ARFRP1: variants seen among roughly 807,000 people sequenced by gnomAD.
ARFRP1 encodes ARF related protein 1, also known as ADP-ribosylation factor-related protein 1.
Under a neutral mutation model 30.3 loss-of-function variants are expected in ARFRP1, and 19 were observed. The ratio of observed to expected loss-of-function variants is 0.63; its 90% CI spans 0.44 to 0.92. The LOEUF is 0.92. ARFRP1 is among the 40% of genes least tolerant of loss of function. The pLI is 0.00. For missense variants in ARFRP1, 245 were observed against 267.5 expected (o/e 0.92, Z 0.59); for synonymous variants, 133 against 114.2 (o/e 1.16, Z -1.05).
At chr20:63,703,121 C>G (rs893748716) in intron 4 of ARFRP1, 3 of 152,316 alleles carry the variant, frequency 2.0e-5, no homozygotes, top group African/African-American at 7.2e-5. Flanking sequence ...CACTTTGCCT[C>G]CAGGCTGTGC....
In ARFRP1 at chr20:63,706,447, G is replaced by A. The variant is rs749662460; in HGVS notation, c.182-8C>T. 5.6e-6 allele frequency: 9 copies of A among 1,612,904 alleles called. No homozygotes were observed. Among genetic ancestry groups the A allele is most frequent in the South Asian group, 2.2e-5 (2 of 91,064 alleles). ...CCACATCCACAGTGCCGACTGGGGAGAGGAGGAAACAGGCAAGGCTCATGA... is the reference window on the plus strand; with the variant it reads ...CCACATCCACAGTGCCGACTGGGGAAAGGAGGAAACAGGCAAGGCTCATGA... On this transcript the variant is annotated splice_polypyrimidine_tract_variant and splice_region_variant and intron_variant, in intron 3 of 7. Coordinates refer to ENST00000622789, the MANE Select transcript of ARFRP1 (RefSeq NM_001267547.3).
chr20:63,707,177 C>T, intron 1 of ARFRP1, 80 bp from the exon 2 acceptor site: 1 of 1,261,182 alleles, frequency 7.9e-7, no homozygotes, highest in South Asian at 1.3e-5. Context: ...GTCAGTGGCG[C>T]CCCACGTCCA....
chr20:63,701,998 G>GGGCCCCCCCC, intron 5 of ARFRP1, 98 bp from the exon 6 acceptor site: 2 of 583,908 alleles, frequency 3.4e-6, no homozygotes, highest in Non-Finnish European at 5.1e-6. Flanking sequence ...CACTCCCTCT[G>GGGCCCCCCCC]CCCCCCCCCC....
At chr20:63,705,537 CA>C in intron 4 of ARFRP1, 1 of 455,438 alleles carries the variant, frequency 2.2e-6, no homozygotes. Context: ...CAGAAATGCC[CA>C]AAACCTGTGT....
intron 2 of ARFRP1, 91 bp downstream of exon 2, chr20:63,706,908 T>C (rs2091501563): frequency 6.7e-7 from 1 of 1,496,964 alleles, no homozygotes; most frequent in South Asian, 1.1e-5. Context: ...TTGGCTTCCG[T>C]CTGGGTAGTG....
At position 63,700,223 on chromosome 20, in the gene ARFRP1, C is replaced by T; in HGVS notation, c.*220G>A. On this transcript the variant is annotated 3_prime_UTR_variant, in exon 8 of 8. Coordinates refer to ENST00000622789, the MANE Select transcript of ARFRP1 (RefSeq NM_001267547.3). Reference sequence around the variant, plus strand: ...GCGCCCTGTGGAAAGGCTGCCGCTGCAGGGCCTGGGCCAGCCGGGCTGCCA... The same window carrying T: ...GCGCCCTGTGGAAAGGCTGCCGCTGTAGGGCCTGGGCCAGCCGGGCTGCCA... 1 of 645,082 alleles carries T rather than the reference C, an allele frequency of 1.6e-6. No homozygotes were observed. The highest frequency in any genetic ancestry group is 2.6e-6 in the Non-Finnish European group (1 of 386,434). 40.0% of individuals were successfully genotyped at this position (645,082 alleles called of 1,614,324 possible). A position where few individuals can be genotyped will look rare whatever the true frequency, so the allele number is the denominator to read the frequency against.
chr20:63,706,910 T>G (rs1432011119), intron 2 of ARFRP1, 89 bp downstream of exon 2: 10 of 1,503,150 alleles, frequency 6.7e-6, no homozygotes, highest in Non-Finnish European at 9.2e-6. Context: ...GGCTTCCGTC[T>G]GGGTAGTGAA....
At position 63,700,423 on chromosome 20, in the gene ARFRP1, C is replaced by T; in HGVS notation, c.*20G>A. 9 of 1,605,600 alleles carry T rather than the reference C, an allele frequency of 5.6e-6. No individual in the cohort carries two copies. Among genetic ancestry groups the T allele is most frequent in the East Asian group, 4.5e-5 (2 of 44,870 alleles). On this transcript the variant is annotated 3_prime_UTR_variant, in exon 8 of 8. Coordinates refer to ENST00000622789, the MANE Select transcript of ARFRP1 (RefSeq NM_001267547.3). ...TCCAGCACCAGGGGACCAGCCGTCC[C>T]GACGGCAGCGCGGCTGCGCCTACGT...
At chr20:63,705,441 G>C (rs1042973350) in intron 4 of ARFRP1, 55 of 365,396 alleles carry the variant, frequency 1.5e-4, no homozygotes, top group South Asian at 8.4e-4. Context: ...GCCCTGCTCA[G>C]TGCTGGACTC....
rs573137612 is a variant in ARFRP1, at chr20:63,701,451, A to T, written c.417+379T>A. The stretch of plus-strand genomic sequence containing the variant: ...AGATGCCACCTCCAAGGGTAGCAGG[A>T]ACAGGTAAGGGTCAGAGCTGACTCC... On this transcript the variant is annotated intron_variant, in intron 6 of 7. Transcript: ENST00000622789. The T allele has an allele frequency of 1.4e-5, 7 of 492,448 alleles. No individual in the cohort carries two copies. In the East Asian group the frequency reaches 3.6e-4, roughly 25 times the overall value. The allele number at this position is 492,448 out of a possible 1,614,324, so 30.5% of individuals were successfully genotyped here.
chr20:63,701,367 CG>C, intron 6 of ARFRP1: 2 of 538,312 alleles, frequency 3.7e-6, no homozygotes, highest in South Asian at 1.4e-5. Context: ...CCAGTGCTCC[CG>C]GGGGCAGTGG....
At chr20:63,702,323 C>A in intron 4 of ARFRP1, 106 bp from the exon 5 acceptor site, 2 of 1,105,362 alleles carry the variant, frequency 1.8e-6, no homozygotes, top group South Asian at 1.4e-5. Context: ...GAGGAAGGGG[C>A]AAGAGGGCAG....
At chr20:63,706,909 C>A in intron 2 of ARFRP1, 90 bp downstream of exon 2, 1 of 1,501,134 alleles carries the variant, frequency 6.7e-7, no homozygotes, top group South Asian at 1.1e-5. Context: ...TGGCTTCCGT[C>A]TGGGTAGTGA....
chr20:63,707,332 T>C (rs1243944298), intron 1 of ARFRP1: 12 of 495,464 alleles, frequency 2.4e-5, no homozygotes, highest in Non-Finnish European at 4.0e-5. Flanking sequence ...ACACATCGGT[T>C]CCGGCCCCTC....
At chr20:63,706,257 G>A in intron 4 of ARFRP1, 100 bp downstream of exon 4, 7 of 1,107,310 alleles carry the variant, frequency 6.3e-6, no homozygotes, top group Non-Finnish European at 9.6e-6. Context: ...GAGGGACAGA[G>A]TGGGTAAGGA....
At chr20:63,706,026 ATG>A (rs1401413609) in intron 4 of ARFRP1, 92 of 363,558 alleles carry the variant, frequency 2.5e-4, no homozygotes, top group African/African-American at 1.9e-3. Flanking sequence ...TCACCTGAGG[ATG>A]CCGCACTCTG....
rs2091463934 is a variant in ARFRP1, at chr20:63,706,408, G to A, written c.213C>T (p.Leu71=). ...CCTGCCCTCCTAAGTCCCAGAACAT[G>A]AGCCGAGCCTTTCCCACATCCACAG... ...IGTVDVGKAR[L]MFWDLGGQEE... The change falls in exon 4 of 8, where the codon CTC becomes CTT. Residue 71 remains leucine (L), a synonymous_variant. Coordinates refer to ENST00000622789, the MANE Select transcript of ARFRP1 (RefSeq NM_001267547.3). 2 of 1,613,248 alleles carry A rather than the reference G, an allele frequency of 1.2e-6. No individual in the cohort carries two copies. Among genetic ancestry groups the A allele is most frequent in the Non-Finnish European group, 1.7e-6 (2 of 1,180,012 alleles).
intron 5 of ARFRP1, 25 bp downstream of exon 5, chr20:63,702,111 C>G: frequency 1.2e-6 from 2 of 1,606,488 alleles, no homozygotes; most frequent in Non-Finnish European, 1.7e-6. Flanking sequence ...ATCCATCCCT[C>G]CCAGAGCAGC....
Position 63,706,265 on chromosome 20 carries a change from G to A in ARFRP1, c.264+92C>T, listed in dbSNP as rs1236698015. ...AAAACCCGAGGGACAGAGTGGGTAA[G>A]GAAAACTGCTGAGGAAGGGCCCAAA... is the stretch of plus-strand genomic sequence containing the variant. On this transcript the variant is annotated intron_variant, in intron 4 of 7. Coordinates refer to ENST00000622789, the MANE Select transcript of ARFRP1 (RefSeq NM_001267547.3). The A allele has an allele frequency of 4.9e-6, 6 of 1,212,320 alleles. No individual in the cohort carries two copies. In the East Asian group the frequency reaches 1.2e-4, roughly 24 times the overall value. The allele number at this position is 1,212,320 out of a possible 1,614,324, so 75.1% of individuals were successfully genotyped here.
Sources: allele counts gnomAD v4.1 joint callset, GRCh38; gene constraint gnomAD v4.1.1; transcripts MANE v1.5; gene names NCBI Gene and HGNC (gene_info 2026-07-23, HGNC 2026-07-21).